Variants in ANKS1B observed in about 807,000 individuals in gnomAD.
ANKS1B encodes the protein ankyrin repeat and sterile alpha motif domain-containing protein 1B.
ANKS1B carries 36 observed loss-of-function variants against 148.3 expected under a neutral mutation model. The observed-to-expected ratio is 0.24, with a 90% CI of 0.19 to 0.32. The LOEUF (loss-of-function observed/expected upper bound fraction) is 0.32. Among genes scored for constraint, ANKS1B ranks in the 10% least tolerant of loss-of-function variants. The pLI, the probability that ANKS1B is intolerant of heterozygous loss-of-function variation, is 1.00. For synonymous variants in ANKS1B, 542 were observed against 560.8 expected (o/e 0.97, Z 0.47); for missense variants, 1,157 against 1,542.6 (o/e 0.75, Z 4.19).
chr12:99,891,067 A>C (rs2093077158), intron 1 of ANKS1B, among the ~76,000 whole-genome samples: 1 of 152,244 alleles, frequency 6.6e-6, no homozygotes, highest in African/African-American at 2.4e-5. Context: ...GACTCCTTTA[A>C]AGAAGCATAA....
rs148852782 is a variant in ANKS1B, at chr12:98,782,853, AAATAT to A, written c.3343-721_3343-717del. ...GCCAAAAAGAGAGATTATGAAAATA[AAATAT>A]AAGGTTAGAAACTCGTTTTAATGCT... is the stretch of plus-strand genomic sequence containing the variant. On this transcript the variant is annotated intron_variant, in intron 22 of 26. Coordinates refer to ENST00000683438, the MANE Select transcript of ANKS1B (RefSeq NM_001352186.2). Among the ~76,000 whole-genome samples, 1,310 of 152,340 alleles carry A rather than the reference AAATAT, an allele frequency of 8.6e-3. 16 individuals are homozygous for A. The highest frequency in any genetic ancestry group is 0.03 in the African/African-American group (1,258 of 41,570).
At chr12:99,655,862 T>C (rs1245407166) in intron 8 of ANKS1B, among the ~76,000 whole-genome samples, 1 of 152,094 alleles carries the variant, frequency 6.6e-6, no homozygotes, top group Non-Finnish European at 1.5e-5. Flanking sequence ...TGAGTAACTT[T>C]TGGATAACAG....
intron 1 of ANKS1B, among the ~76,000 whole-genome samples, chr12:99,872,140 C>T (rs933948896): frequency 6.6e-6 from 1 of 152,108 alleles, no homozygotes; most frequent in Non-Finnish European, 1.5e-5. Flanking sequence ...ATAAGAACTA[C>T]TCATGTATTT....
At chr12:99,649,297 A>G (rs1567561763) in intron 9 of ANKS1B, 2 of 1,613,886 alleles carry the variant, frequency 1.2e-6, no homozygotes, top group Admixed American at 1.7e-5. Flanking sequence ...GGGATATGCC[A>G]TGAAGTTTTG....
chr12:99,971,839 C>T (rs1359667399), intron 1 of ANKS1B, among the ~76,000 whole-genome samples: 1 of 152,190 alleles, frequency 6.6e-6, no homozygotes. Context: ...TGTTCCATAT[C>T]TCTGTCACCT....
intron 3 of ANKS1B, 68 bp downstream of exon 3, chr12:99,812,087 T>C (rs1211840454): frequency 2.6e-6 from 4 of 1,510,972 alleles, no homozygotes; most frequent in Non-Finnish European, 2.7e-6. Flanking sequence ...AAAAATCACA[T>C]TTTCAATATG....
intron 9 of ANKS1B, among the ~76,000 whole-genome samples, chr12:99,591,892 G>A (rs1378148789): frequency 1.3e-5 from 2 of 152,092 alleles, no homozygotes; most frequent in African/African-American, 2.4e-5. Flanking sequence ...CTGCATTCTA[G>A]GCTATTAAAC....
intron 12 of ANKS1B, among the ~76,000 whole-genome samples, chr12:99,294,807 C>T (rs935131361): frequency 6.6e-6 from 1 of 152,142 alleles, no homozygotes; most frequent in African/African-American, 2.4e-5. Flanking sequence ...GCATGTGCCA[C>T]CACGCCCGGC....
At chr12:99,322,018 A>C (rs1018528722) in intron 12 of ANKS1B, among the ~76,000 whole-genome samples, 6 of 152,284 alleles carry the variant, frequency 3.9e-5, no homozygotes, top group Admixed American at 6.5e-5. Context: ...CATATACCCA[A>C]AGGAAAATAA....
In ANKS1B at chr12:99,450,698, G is replaced by T. The variant is rs185028823; in HGVS notation, c.1439-6889C>A. Among the ~76,000 whole-genome samples the T allele has an allele frequency of 2.6e-4, 40 of 152,160 alleles. 1 individual carries two copies. Among genetic ancestry groups the T allele is most frequent in the Admixed American group, 7.2e-4 (11 of 15,266 alleles). On this transcript the variant is annotated intron_variant, in intron 10 of 26. Coordinates refer to ENST00000683438, the MANE Select transcript of ANKS1B (RefSeq NM_001352186.2). ...TTGTTCATTAACTCTTCCAGACTAG[G>T]TTATATTTTTGCATAAAGTCATATT... is the stretch of plus-strand genomic sequence containing the variant.
chr12:99,780,508 T>C (rs2064174484), intron 5 of ANKS1B, among the ~76,000 whole-genome samples: 1 of 151,996 alleles, frequency 6.6e-6, no homozygotes, highest in Non-Finnish European at 1.5e-5. Context: ...GGTCTCGATA[T>C]CCTGACCTCG....
intron 17 of ANKS1B, among the ~76,000 whole-genome samples, chr12:99,002,499 T>C: frequency 6.6e-6 from 1 of 151,928 alleles, no homozygotes; most frequent in East Asian, 1.9e-4. Context: ...TCTTTTTTTT[T>C]TTGTGATGAG....
intron 12 of ANKS1B, among the ~76,000 whole-genome samples, chr12:99,270,248 G>A (rs2076896413): frequency 6.6e-6 from 1 of 152,118 alleles, no homozygotes; most frequent in Non-Finnish European, 1.5e-5. Context: ...AAATTGAAAT[G>A]CTTTGCTCTT....
intron 15 of ANKS1B, among the ~76,000 whole-genome samples, chr12:99,137,513 G>C (rs1458341258): frequency 1.3e-5 from 2 of 152,152 alleles, no homozygotes; most frequent in African/African-American, 4.8e-5. Flanking sequence ...CACATCAAAA[G>C]ACAGAAATAA....
intron 17 of ANKS1B, among the ~76,000 whole-genome samples, chr12:98,989,478 T>C (rs954976414): frequency 6.6e-6 from 1 of 152,238 alleles, no homozygotes; most frequent in African/African-American, 2.4e-5. Context: ...GTGTCTATTT[T>C]TATGCCAGTA....
chr12:99,078,490 C>T (rs1442100378), intron 16 of ANKS1B, among the ~76,000 whole-genome samples: 2 of 152,128 alleles, frequency 1.3e-5, no homozygotes, highest in Non-Finnish European at 2.9e-5. Context: ...TATCTTATAT[C>T]ATGCTACATT....
chr12:99,619,562 T>C (rs1356978731), intron 9 of ANKS1B, among the ~76,000 whole-genome samples: 1 of 151,986 alleles, frequency 6.6e-6, no homozygotes, highest in Non-Finnish European at 1.5e-5. Context: ...CGGCTCTCTC[T>C]ACTCACGTCC....
intron 8 of ANKS1B, among the ~76,000 whole-genome samples, chr12:99,689,858 C>A (rs561274252): frequency 6.6e-6 from 1 of 152,248 alleles, no homozygotes; most frequent in Admixed American, 6.5e-5. Context: ...CAGAGGAGAC[C>A]ACAGTCTTAA....
chr12:99,930,249 T>C (rs2094579690), intron 1 of ANKS1B, among the ~76,000 whole-genome samples: 1 of 152,008 alleles, frequency 6.6e-6, no homozygotes, highest in African/African-American at 2.4e-5. Context: ...TATTTTATTC[T>C]CTTTGAAGCA....
Sources: allele counts gnomAD v4.1 joint callset (sites outside exome capture counted in the v4.1 genomes callset), GRCh38; gene constraint gnomAD v4.1.1; transcripts MANE v1.5; gene names NCBI Gene and HGNC (gene_info 2026-07-23, HGNC 2026-07-21).